SASH1: variants seen among roughly 807,000 people sequenced by gnomAD.
SASH1 encodes SAM and SH3 domain containing 1, also known as SAM and SH3 domain-containing protein 1.
In SASH1, 44 loss-of-function variants were observed where a neutral mutation model predicts 125.2. The ratio of observed to expected loss-of-function variants is 0.35; its 90% CI spans 0.28 to 0.45. The LOEUF is 0.45. SASH1 is among the 20% of genes least tolerant of loss of function. SASH1 has a pLI of 1.00. For missense variants in SASH1, 1,426 were observed against 1,614.5 expected (o/e 0.88, Z 2.00); for synonymous variants, 639 against 649.1 (o/e 0.98, Z 0.24).
intron 1 of SASH1, among the ~76,000 whole-genome samples, chr6:148,298,327 TATGTGGCAATTTCTC>T (rs1052599973): frequency 1.3e-5 from 2 of 152,090 alleles, no homozygotes; most frequent in Non-Finnish European, 2.9e-5. Flanking sequence ...TATAATTTCT[TATGTGGCAATTTCTC>T]ACTTTAATTA....
At chr6:148,471,976 A>G (rs1778142352) in intron 6 of SASH1, among the ~76,000 whole-genome samples, 1 of 152,212 alleles carries the variant, frequency 6.6e-6, no homozygotes, top group Admixed American at 6.5e-5. Context: ...GTGGTCTGAC[A>G]TCATGGGAAT....
At chr6:148,512,832 A>C in intron 8 of SASH1, 2 of 985,192 alleles carry the variant, frequency 2.0e-6, no homozygotes, top group Non-Finnish European at 2.4e-6. Flanking sequence ...GAGAAGTCTG[A>C]GAAACACTTC....
chr6:148,367,974 A>G (rs773292475), intron 1 of SASH1, among the ~76,000 whole-genome samples: 6 of 152,176 alleles, frequency 3.9e-5, no homozygotes, highest in Non-Finnish European at 7.3e-5. Context: ...AGGATGTGGC[A>G]ATTTGGCCTG....
chr6:148,293,339 T>C (rs1300985720), intron 1 of SASH1, among the ~76,000 whole-genome samples: 1 of 152,208 alleles, frequency 6.6e-6, no homozygotes, highest in Non-Finnish European at 1.5e-5. Context: ...CAGCAGCCAG[T>C]GAGACATCTC....
At chr6:148,245,179 A>G in the SASH1 span, among the ~76,000 whole-genome samples, 1 of 152,286 alleles carries the variant, frequency 6.6e-6, no homozygotes, top group Admixed American at 6.5e-5. Flanking sequence ...CTGCTTATGA[A>G]AACAAATAGC....
intron 16 of SASH1, among the ~76,000 whole-genome samples, chr6:148,535,275 C>G (rs1781774204): frequency 1.3e-5 from 2 of 152,168 alleles, no homozygotes. Context: ...GGATTCTGCA[C>G]CAAGTGTCTG....
At chr6:148,420,091 G>A (rs368630449) in intron 2 of SASH1, among the ~76,000 whole-genome samples, 15 of 152,104 alleles carry the variant, frequency 9.9e-5, no homozygotes, top group African/African-American at 3.4e-4. Flanking sequence ...CAAGTGCCCT[G>A]CAAAGATCTA....
chr6:148,508,823 G>C, intron 8 of SASH1: 1 of 597,282 alleles, frequency 1.7e-6, no homozygotes, highest in Non-Finnish European at 2.7e-6. Flanking sequence ...GAGGGGGGTG[G>C]GAGGTACAGG....
intron 1 of SASH1, among the ~76,000 whole-genome samples, chr6:148,290,639 T>C (rs1334866257): frequency 6.6e-6 from 1 of 151,854 alleles, no homozygotes; most frequent in African/African-American, 2.4e-5. Flanking sequence ...GTGCAAGATG[T>C]GCTTTGTTAA....
chr6:148,324,731 C>G (rs1224590167), intron 1 of SASH1, among the ~76,000 whole-genome samples: 1 of 152,134 alleles, frequency 6.6e-6, no homozygotes, highest in Non-Finnish European at 1.5e-5. Context: ...AGGAATAATG[C>G]AATTTTATAG....
chr6:148,247,497 C>T, the SASH1 span, among the ~76,000 whole-genome samples: 6 of 152,320 alleles, frequency 3.9e-5, no homozygotes, highest in African/African-American at 1.4e-4. Flanking sequence ...ACAGTGAGCA[C>T]CTTCAGGCCA....
At chr6:148,543,647 A>C (rs757199179) in intron 17 of SASH1, 33 bp from the exon 18 acceptor site, 1 of 1,507,684 alleles carries the variant, frequency 6.6e-7, no homozygotes, top group Non-Finnish European at 8.9e-7. Flanking sequence ...TTGCTTTTAA[A>C]ATGTGATTGT....
chr6:148,393,303 G>C (rs1783809401), intron 2 of SASH1, among the ~76,000 whole-genome samples: 1 of 149,914 alleles, frequency 6.7e-6, no homozygotes, highest in Admixed American at 6.7e-5. Flanking sequence ...CAGGTGATCT[G>C]CCCGCCTTGG....
the SASH1 span, among the ~76,000 whole-genome samples, chr6:148,227,999 AC>A: frequency 6.6e-6 from 1 of 152,354 alleles, no homozygotes; most frequent in South Asian, 2.1e-4. Context: ...ACTGGCAGAC[AC>A]AAAGCAGGGA....
the SASH1 span, among the ~76,000 whole-genome samples, chr6:148,223,597 T>G: frequency 0.063 from 9,645 of 152,284 alleles, 338 homozygotes; most frequent in Middle Eastern, 0.13. Flanking sequence ...CCATTTTAAA[T>G]GTGATGTCTC....
At position 148,519,327 on chromosome 6, in the gene SASH1, G is replaced by A. The variant is rs996180271; in HGVS notation, c.863-220G>A. On this transcript the variant is annotated intron_variant, in intron 9 of 19. Transcript: ENST00000367467. The surrounding 1 kb of genome is among the most constrained non-coding windows in gnomAD (Gnocchi z 4.8). Reference sequence around the variant, plus strand: ...CCTGTGAAGGTGTTAGGTCTACAAAGATATTTAAAGAAGAAGAAAACACAT... The same window carrying A: ...CCTGTGAAGGTGTTAGGTCTACAAAAATATTTAAAGAAGAAGAAAACACAT... Among the ~76,000 whole-genome samples, 3 of 152,178 alleles carry A rather than the reference G, an allele frequency of 2.0e-5. No individual in the cohort carries two copies. The highest frequency in any genetic ancestry group is 7.2e-5 in the African/African-American group (3 of 41,458).
the SASH1 span, among the ~76,000 whole-genome samples, chr6:148,245,207 G>A: frequency 1.3e-5 from 2 of 152,064 alleles, no homozygotes; most frequent in South Asian, 2.1e-4. Context: ...CCTCTTTCTC[G>A]ACACAAACAC....
At chr6:148,255,398 C>A in the SASH1 span, among the ~76,000 whole-genome samples, 7 of 152,178 alleles carry the variant, frequency 4.6e-5, no homozygotes, top group African/African-American at 7.2e-5. Flanking sequence ...GGCTCCCAAC[C>A]CTTCAGAAGC....
At chr6:148,319,418 G>C (rs953050216) in intron 1 of SASH1, among the ~76,000 whole-genome samples, 5 of 152,014 alleles carry the variant, frequency 3.3e-5, no homozygotes, top group African/African-American at 1.2e-4. Flanking sequence ...CTTATTCATG[G>C]TTTCTTTTTC....
Sources: gnomAD v4.1 joint callset for allele counts (sites outside exome capture counted in the v4.1 genomes callset) on GRCh38, gnomAD v4.1.1 for gene constraint, Gnocchi (gnomAD v3.1) non-coding constraint, MANE v1.5 for transcripts, NCBI Gene and HGNC (gene_info 2026-07-23, HGNC 2026-07-21) for gene names.